Variants in COL14A1 observed in about 807,000 individuals in gnomAD.
COL14A1 encodes the protein collagen alpha-1(XIV) chain.
In COL14A1, 136 loss-of-function variants were observed where a neutral mutation model predicts 230.3. The ratio of observed to expected loss-of-function variants is 0.59; its 90% CI spans 0.51 to 0.68. The LOEUF (loss-of-function observed/expected upper bound fraction) is 0.68, where lower values mean the gene tolerates loss of function less well. Among genes scored for constraint, COL14A1 ranks in the 30% least tolerant of loss-of-function variants. The pLI is 0.00. For synonymous variants in COL14A1, 792 were observed against 784.1 expected, an observed-to-expected ratio of 1.01 and a Z score of -0.17; for missense variants, 1,976 against 2,215.8, an observed-to-expected ratio of 0.89 and a Z score of 2.17.
intron 1 of COL14A1, among the ~76,000 whole-genome samples, chr8:120,131,838 C>CTTTTTTTTTTTTTTTTT (rs1172286717): frequency 2.9e-5 from 2 of 68,950 alleles, no homozygotes; most frequent in African/African-American, 1.1e-4. Context: ...TTCTTCCTTT[C>CTTTTTTTTTTTTTTTTT]TTTTTTTTTT....
intron 12 of COL14A1, 137 bp downstream of exon 12, chr8:120,210,038 A>C: frequency 3.3e-6 from 2 of 599,964 alleles, no homozygotes; most frequent in Non-Finnish European, 4.9e-6. Flanking sequence ...TTATAATCCC[A>C]CCACTGAGAG....
intron 45 of COL14A1, among the ~76,000 whole-genome samples, chr8:120,350,207 T>C (rs1257899632): frequency 1.3e-5 from 2 of 151,812 alleles, no homozygotes; most frequent in African/African-American, 4.8e-5. Flanking sequence ...GTCACCACCA[T>C]GCCTGCCCTA....
chr8:120,358,411 A>C (rs562841818), intron 45 of COL14A1, among the ~76,000 whole-genome samples: 47 of 152,148 alleles, frequency 3.1e-4, no homozygotes, highest in Non-Finnish European at 5.7e-4. Context: ...TTCATAAGTC[A>C]TAACTAGTTT....
intron 23 of COL14A1, among the ~76,000 whole-genome samples, chr8:120,262,430 C>A (rs1016992475): frequency 2.0e-5 from 3 of 151,918 alleles, no homozygotes. Flanking sequence ...TGAGATCGCA[C>A]CATTGCACTC....
At chr8:120,314,381 A>C (rs4871057) in intron 38 of COL14A1, among the ~76,000 whole-genome samples, 76,367 of 151,964 alleles carry the variant, frequency 0.5, 20,335 homozygotes, top group African/African-American at 0.7. Context: ...TAAGTTTTTT[A>C]ATTATGTGTA....
rs750348170 is a variant in COL14A1, at chr8:120,278,419, C to A, written c.3338-16C>A. On this transcript the variant is annotated splice_polypyrimidine_tract_variant and intron_variant, in intron 27 of 47. Transcript: ENST00000297848. Reference sequence around the variant, plus strand: ...GGGAGGGAGTGAAATCAAACTGTTGCCTTTCTTTGTTTCAGGAAAAGCAAT... The same window carrying A: ...GGGAGGGAGTGAAATCAAACTGTTGACTTTCTTTGTTTCAGGAAAAGCAAT... The A allele has an allele frequency of 2.5e-6, 4 of 1,604,532 alleles. No individual in the cohort carries two copies. The highest frequency in any genetic ancestry group is 1.7e-4 in the Middle Eastern group (1 of 6,032).
chr8:120,169,376 C>G (rs760358922), intron 5 of COL14A1, among the ~76,000 whole-genome samples: 1 of 151,976 alleles, frequency 6.6e-6, no homozygotes, highest in African/African-American at 2.4e-5. Context: ...TTCATATGTT[C>G]TTTTCAACAT....
chr8:120,233,306 CAT>C (rs1415454533), intron 19 of COL14A1, among the ~76,000 whole-genome samples: 8 of 152,034 alleles, frequency 5.3e-5, no homozygotes, highest in African/African-American at 1.9e-4. Flanking sequence ...CTTTTGTTGC[CAT>C]TGCTTTTGGT....
chr8:120,362,262 A>T (rs1266207771), intron 45 of COL14A1, among the ~76,000 whole-genome samples: 1 of 152,174 alleles, frequency 6.6e-6, no homozygotes, highest in Admixed American at 6.5e-5. Context: ...GCTCTCTTTC[A>T]GGGTTAATAG....
chr8:120,166,507 C>A (rs1339499659), intron 4 of COL14A1, among the ~76,000 whole-genome samples: 1 of 142,276 alleles, frequency 7.0e-6, no homozygotes, highest in Non-Finnish European at 1.5e-5. Flanking sequence ...TAAGTCTCTA[C>A]CTCTGAATTT....
At chr8:120,339,228 A>G (rs1042676183) in intron 42 of COL14A1, among the ~76,000 whole-genome samples, 2 of 152,130 alleles carry the variant, frequency 1.3e-5, no homozygotes, top group African/African-American at 4.8e-5. Flanking sequence ...CCGACTTGTG[A>G]TCAAGGCCTT....
intron 45 of COL14A1, among the ~76,000 whole-genome samples, chr8:120,357,006 A>G (rs1766695689): frequency 6.8e-6 from 1 of 146,442 alleles, no homozygotes; most frequent in East Asian, 2.0e-4. Context: ...GATTTTTTTT[A>G]TTACAAAGCG....
chr8:120,218,321 C>G (rs1456076670), intron 14 of COL14A1, among the ~76,000 whole-genome samples: 2 of 141,924 alleles, frequency 1.4e-5, no homozygotes, highest in Non-Finnish European at 3.0e-5. Flanking sequence ...TATATATATA[C>G]ATATTTGAGA....
intron 23 of COL14A1, among the ~76,000 whole-genome samples, chr8:120,260,046 A>AT (rs1819275132): frequency 6.6e-6 from 1 of 152,140 alleles, no homozygotes. Flanking sequence ...AAATGTTATC[A>AT]TTTTTCATAA....
At chr8:120,134,397 G>A (rs1420470474) in intron 1 of COL14A1, among the ~76,000 whole-genome samples, 2 of 152,030 alleles carry the variant, frequency 1.3e-5, no homozygotes, top group Non-Finnish European at 2.9e-5. Context: ...TCTATAAGTG[G>A]TATTGGACTA....
chr8:120,159,784 T>A (rs1815600345), intron 3 of COL14A1, among the ~76,000 whole-genome samples: 1 of 152,182 alleles, frequency 6.6e-6, no homozygotes, highest in Non-Finnish European at 1.5e-5. Context: ...CTCTGCCTTC[T>A]AGGTTCAAGT....
intron 6 of COL14A1, 67 bp downstream of exon 6, chr8:120,197,013 A>C: frequency 6.8e-7 from 1 of 1,478,054 alleles, no homozygotes; most frequent in Middle Eastern, 1.8e-4. Flanking sequence ...GTATTTTAAG[A>C]AATTTCAAAA....
intron 22 of COL14A1, among the ~76,000 whole-genome samples, chr8:120,253,250 C>G (rs1819032449): frequency 6.6e-6 from 1 of 152,104 alleles, no homozygotes; most frequent in Non-Finnish European, 1.5e-5. Context: ...CTCAGGTGAT[C>G]CACCTGACTT....
At chr8:120,297,999 GA>G (rs1486092196) in intron 35 of COL14A1, among the ~76,000 whole-genome samples, 6 of 151,896 alleles carry the variant, frequency 4.0e-5, no homozygotes. Flanking sequence ...TACATTGAAA[GA>G]AAAAAGTGAT....
Sources: allele counts gnomAD v4.1 joint callset (sites outside exome capture counted in the v4.1 genomes callset), GRCh38; gene constraint gnomAD v4.1.1; transcripts MANE v1.5; gene names NCBI Gene and HGNC (gene_info 2026-07-23, HGNC 2026-07-21).